The following LARP1B variants were observed in gnomAD, a reference collection of about 807,000 sequenced individuals.
LARP1B encodes the protein la-related protein 1B.
In LARP1B, 76 loss-of-function variants were observed where a neutral mutation model predicts 114.2. The ratio of observed to expected loss-of-function variants is 0.67; its 90% CI spans 0.55 to 0.81. LARP1B has a LOEUF of 0.81. Among genes scored for constraint, LARP1B ranks in the 30% least tolerant of loss-of-function variants. The pLI is 0.00. For synonymous variants in LARP1B, 345 were observed against 348.0 expected, an observed-to-expected ratio of 0.99 and a Z score of 0.10; for missense variants, 1,014 against 1,075.8, an observed-to-expected ratio of 0.94 and a Z score of 0.80.
chr4:128,174,615 A>G (rs529106316), intron 12 of LARP1B, among the ~76,000 whole-genome samples: 2 of 152,264 alleles, frequency 1.3e-5, no homozygotes, highest in East Asian at 1.9e-4. Context: ...GTTCAGATAC[A>G]GATAACAGTA....
chr4:128,201,076 G>A (rs797021948), intron 17 of LARP1B, among the ~76,000 whole-genome samples: 12 of 152,282 alleles, frequency 7.9e-5, no homozygotes, highest in African/African-American at 2.9e-4. Context: ...CTCTTGGCAG[G>A]AGGCTTCAGT....
At position 128,207,374 on chromosome 4, in the gene LARP1B, C is replaced by G; in HGVS notation, c.2538C>G (p.Phe846Leu). The change falls in exon 19 of 20, where the codon TTC becomes TTG. Residue 846 changes from phenylalanine (F) to leucine (L), a missense_variant. Physicochemically the swap from Phe to Leu is conservative, Grantham distance 22. Transcript: ENST00000326639. Reference sequence around the variant, plus strand: ...GTAGTTTTAAGAGGTTAGAAGACTTCCGTGTTGATGTAAGTTTTAAGTCAT... The same window carrying G: ...GTAGTTTTAAGAGGTTAGAAGACTTGCGTGTTGATGTAAGTTTTAAGTCAT... ...YLCSFKRLED[F>L]RVDPPISDEF... 1 of 1,510,026 alleles carries G rather than the reference C, an allele frequency of 6.6e-7. No homozygotes were observed. 93.5% of individuals were successfully genotyped at this position (1,510,026 alleles called of 1,614,324 possible). A position where few individuals can be genotyped will look rare whatever the true frequency, so the allele number is the denominator to read the frequency against.
At chr4:128,109,384 A>G (rs538671771) in intron 9 of LARP1B, among the ~76,000 whole-genome samples, 37 of 152,292 alleles carry the variant, frequency 2.4e-4, no homozygotes, top group Non-Finnish European at 4.9e-4. Context: ...AAAATATTCT[A>G]ACATAATTGG....
chr4:128,209,720 CAAA>C lies in LARP1B; in HGVS notation c.2548-115_2548-113del, dbSNP rs11293327. 7.3e-3 allele frequency: 3,579 copies of C among 487,330 alleles called. 29 individuals are homozygous for C. Among genetic ancestry groups the C allele is most frequent in the Middle Eastern group, 9.4e-3 (17 of 1,810 alleles). The allele number at this position is 487,330 out of a possible 1,614,324, so 30.2% of individuals were successfully genotyped here. On this transcript the variant is annotated intron_variant, in intron 19 of 19. Coordinates refer to ENST00000326639, the MANE Select transcript of LARP1B (RefSeq NM_018078.4). ...CCTGGGTGACAGAATGAGACTCCAT[CAAA>C]AAAAAAAAAAAAAAAAAAAATTATA... is the stretch of plus-strand genomic sequence containing the variant.
intron 15 of LARP1B, among the ~76,000 whole-genome samples, chr4:128,196,705 ATATCAAAAG>A: frequency 6.6e-6 from 1 of 152,036 alleles, no homozygotes; most frequent in Non-Finnish European, 1.5e-5. Flanking sequence ...TCTTAGTTAT[ATATCAAAAG>A]TATTGAAAAC....
intron 11 of LARP1B, among the ~76,000 whole-genome samples, chr4:128,156,954 T>A (rs1180129007): frequency 3.4e-5 from 5 of 148,342 alleles, no homozygotes; most frequent in African/African-American, 1.2e-4. Context: ...CTCAGACTCA[T>A]CTGCCAGTTC....
intron 8 of LARP1B, among the ~76,000 whole-genome samples, chr4:128,101,515 A>G (rs1580385722): frequency 6.6e-6 from 1 of 152,068 alleles, no homozygotes; most frequent in East Asian, 1.9e-4. Flanking sequence ...TTGTTTATAG[A>G]TAAGTATATA....
chr4:128,175,418 G>C (rs933776107), intron 12 of LARP1B, among the ~76,000 whole-genome samples: 6 of 152,080 alleles, frequency 3.9e-5, no homozygotes, highest in Non-Finnish European at 8.8e-5. Flanking sequence ...GGTTTTAGCA[G>C]CTATTGATGA....
chr4:128,142,080 TC>T (rs747649114), intron 11 of LARP1B, among the ~76,000 whole-genome samples: 4 of 152,202 alleles, frequency 2.6e-5, no homozygotes, highest in Non-Finnish European at 5.9e-5. Flanking sequence ...CATGTAAACT[TC>T]CTGTCTCCTC....
intron 12 of LARP1B, 24 bp from the exon 13 acceptor site, chr4:128,176,847 AG>A (rs1185148445): frequency 6.2e-7 from 1 of 1,610,296 alleles, no homozygotes; most frequent in African/African-American, 1.3e-5. Context: ...CAGCACAAAA[AG>A]GGACTAATTA....
At chr4:128,190,263 C>T (rs990826325) in intron 15 of LARP1B, among the ~76,000 whole-genome samples, 1 of 151,910 alleles carries the variant, frequency 6.6e-6, no homozygotes, top group Admixed American at 6.6e-5. Flanking sequence ...TGTCACTTAA[C>T]TCCCTCATGG....
At chr4:128,183,801 T>A (rs923755222) in intron 15 of LARP1B, among the ~76,000 whole-genome samples, 3 of 152,182 alleles carry the variant, frequency 2.0e-5, no homozygotes, top group African/African-American at 7.2e-5. Context: ...TTAAGAACAT[T>A]GGTGATTCAT....
chr4:128,203,309 G>A (rs1272840797), intron 17 of LARP1B, among the ~76,000 whole-genome samples: 1 of 151,844 alleles, frequency 6.6e-6, no homozygotes, highest in African/African-American at 2.4e-5. Flanking sequence ...CTTGACAAAT[G>A]ATTCCCTCTC....
intron 12 of LARP1B, among the ~76,000 whole-genome samples, chr4:128,163,003 T>A (rs540413183): frequency 6.6e-6 from 1 of 152,182 alleles, no homozygotes; most frequent in Non-Finnish European, 1.5e-5. Context: ...GCTATATCTT[T>A]TAACACATAA....
chr4:128,119,111 C>G (rs576841810), intron 10 of LARP1B, among the ~76,000 whole-genome samples: 1 of 152,012 alleles, frequency 6.6e-6, no homozygotes, highest in Non-Finnish European at 1.5e-5. Context: ...TCTCGAACTC[C>G]TGACCTCAGG....
At chr4:128,194,374 A>G (rs1753313294) in intron 15 of LARP1B, among the ~76,000 whole-genome samples, 2 of 150,450 alleles carry the variant, frequency 1.3e-5, no homozygotes, top group African/African-American at 4.9e-5. Context: ...GCCCGGCCCC[A>G]TTTGACTTTT....
intron 10 of LARP1B, among the ~76,000 whole-genome samples, chr4:128,118,483 G>A (rs1580650517): frequency 6.6e-6 from 1 of 151,434 alleles, no homozygotes; most frequent in Admixed American, 6.6e-5. Flanking sequence ...TGATCCGCCC[G>A]CCTCAGCCTC....
intron 15 of LARP1B, among the ~76,000 whole-genome samples, chr4:128,179,924 C>G (rs1362135718): frequency 6.6e-6 from 1 of 151,784 alleles, no homozygotes; most frequent in African/African-American, 2.4e-5. Context: ...TTTTTTCCCC[C>G]TTTTTTGAAA....
At chr4:128,121,220 GTTA>G (rs1164452163) in intron 10 of LARP1B, among the ~76,000 whole-genome samples, 7 of 152,350 alleles carry the variant, frequency 4.6e-5, no homozygotes, top group African/African-American at 1.7e-4. Context: ...CAGAAACTAT[GTTA>G]TTATCATTGT....
Sources: gnomAD v4.1 joint callset for allele counts (sites outside exome capture counted in the v4.1 genomes callset) on GRCh38, gnomAD v4.1.1 for gene constraint, MANE v1.5 for transcripts, NCBI Gene and HGNC (gene_info 2026-07-23, HGNC 2026-07-21) for gene names.